The following COL5A2 variants were observed in gnomAD, a reference collection of about 807,000 sequenced individuals.
The protein encoded by COL5A2 is collagen alpha-2(V) chain.
Under a neutral mutation model 208.2 loss-of-function variants are expected in COL5A2, and 23 were observed. The ratio of observed to expected loss-of-function variants is 0.11; its 90% confidence interval spans 0.08 to 0.16. The LOEUF (loss-of-function observed/expected upper bound fraction) is 0.16. Among genes scored for constraint, COL5A2 ranks in the 10% least tolerant of loss-of-function variants. The probability of loss-of-function intolerance (pLI) is 1.00; values close to 1 mark genes in which losing one functional copy is unlikely to be tolerated. For missense variants in COL5A2, 1,590 were observed against 1,956.4 expected, an observed-to-expected ratio of 0.81 and a Z score of 3.53; for synonymous variants, 625 against 628.5, an observed-to-expected ratio of 0.99 and a Z score of 0.08.
Position 189,034,871 on chromosome 2 carries a change from AT to A in COL5A2, c.4353+44del, listed in dbSNP as rs757882953. ...TGTAATAGTATTTTTAACAAAAATA[AT>A]TTTTTTTCCTCAACCAGATCAATGT... On this transcript the variant is annotated intron_variant, in intron 53 of 53. Coordinates refer to ENST00000374866, the MANE Select transcript of COL5A2 (RefSeq NM_000393.5). 9.3e-6 allele frequency: 15 copies of A among 1,609,114 alleles called. No individual in the cohort carries two copies. The African/African-American group carries it at 9.4e-5, about 10-fold the overall frequency.
At chr2:189,117,571 G>A (rs1049196287) in intron 1 of COL5A2, among the ~76,000 whole-genome samples, 3 of 151,986 alleles carry the variant, frequency 2.0e-5, no homozygotes, top group Non-Finnish European at 4.4e-5. Context: ...TTTCAAAGGA[G>A]AAGTAAATAT....
At chr2:189,405,936 A>T in the COL5A2 span, among the ~76,000 whole-genome samples, 1 of 152,248 alleles carries the variant, frequency 6.6e-6, no homozygotes, top group Non-Finnish European at 1.5e-5. Flanking sequence ...CATCATTTAA[A>T]ATCCCCGTTT....
chr2:189,166,228 C>G (rs1043485594), intron 1 of COL5A2, among the ~76,000 whole-genome samples: 2 of 152,118 alleles, frequency 1.3e-5, no homozygotes, highest in Non-Finnish European at 2.9e-5. Context: ...GCTCTCCATA[C>G]CCTCTCTCCT....
chr2:189,259,350 G>A, the COL5A2 span, among the ~76,000 whole-genome samples: 1 of 152,054 alleles, frequency 6.6e-6, no homozygotes, highest in African/African-American at 2.4e-5. Flanking sequence ...AATTTTCCAA[G>A]GTTATTTTTA....
the COL5A2 span, among the ~76,000 whole-genome samples, chr2:189,425,190 C>T: frequency 1.3e-5 from 2 of 152,010 alleles, no homozygotes; most frequent in African/African-American, 4.8e-5. Flanking sequence ...ATCGAAAAGA[C>T]AAAAGATAAC....
At chr2:189,185,473 A>C (rs1688840035) in intron 1 of COL5A2, among the ~76,000 whole-genome samples, 2 of 152,262 alleles carry the variant, frequency 1.3e-5, no homozygotes, top group African/African-American at 4.8e-5. Context: ...AATAGAAAGA[A>C]GCAGAAAGAT....
chr2:189,439,530 T>A, the COL5A2 span, among the ~76,000 whole-genome samples: 1 of 152,236 alleles, frequency 6.6e-6, no homozygotes, highest in African/African-American at 2.4e-5. Flanking sequence ...AGGTCCCTGG[T>A]GGCATGAATG....
intron 1 of COL5A2, among the ~76,000 whole-genome samples, chr2:189,162,904 G>A (rs934232798): frequency 6.6e-6 from 1 of 151,974 alleles, no homozygotes; most frequent in African/African-American, 2.4e-5. Context: ...AGATAAAGGA[G>A]GGCAAGCAGC....
At chr2:189,410,149 G>A in the COL5A2 span, among the ~76,000 whole-genome samples, 2 of 152,042 alleles carry the variant, frequency 1.3e-5, no homozygotes, top group African/African-American at 4.8e-5. Flanking sequence ...AAATAACATA[G>A]AATTTATTTT....
chr2:189,045,636 A>G (rs1685650106), intron 46 of COL5A2, among the ~76,000 whole-genome samples, 164 bp downstream of exon 46: 1 of 152,224 alleles, frequency 6.6e-6, no homozygotes, highest in Non-Finnish European at 1.5e-5. Context: ...TTTGCCTTTC[A>G]GACTAAGAAA....
chr2:189,393,229 T>C, the COL5A2 span, among the ~76,000 whole-genome samples: 51 of 152,116 alleles, frequency 3.4e-4, no homozygotes, highest in Non-Finnish European at 5.7e-4. Flanking sequence ...GTGACTTCAT[T>C]CTGTATGTCT....
rs1192684805 is a variant in COL5A2, at chr2:189,085,223, G to A, written c.745-10C>T. ...GTGAACCAATCGGACCCTAATAACA[G>A]AACAAAACAAAAGGAAAAAAAGAAT... On this transcript the variant is annotated splice_polypyrimidine_tract_variant and intron_variant, in intron 10 of 53. Coordinates refer to ENST00000374866, the MANE Select transcript of COL5A2 (RefSeq NM_000393.5). The A allele has an allele frequency of 1.9e-6, 3 of 1,606,110 alleles. No homozygotes were observed. In the South Asian group the frequency reaches 3.3e-5, roughly 18 times the overall value.
chr2:189,427,682 C>G, the COL5A2 span, among the ~76,000 whole-genome samples: 1 of 152,192 alleles, frequency 6.6e-6, no homozygotes, highest in African/African-American at 2.4e-5. Context: ...GGGAGCCCAC[C>G]TTTTGTACCA....
intron 1 of COL5A2, among the ~76,000 whole-genome samples, chr2:189,111,909 AG>A (rs1212036437): frequency 6.7e-6 from 1 of 150,096 alleles, no homozygotes; most frequent in East Asian, 2.0e-4. Flanking sequence ...CTTGTCGCCC[AG>A]GCAGGAGTCC....
chr2:189,355,127 G>C, the COL5A2 span, among the ~76,000 whole-genome samples: 1 of 152,180 alleles, frequency 6.6e-6, no homozygotes, highest in Non-Finnish European at 1.5e-5. Context: ...TAATTTGATT[G>C]CACTGTGGTC....
At chr2:189,139,785 C>T (rs1687900795) in intron 1 of COL5A2, among the ~76,000 whole-genome samples, 1 of 151,922 alleles carries the variant, frequency 6.6e-6, no homozygotes, top group Non-Finnish European at 1.5e-5. Flanking sequence ...TAAAAGTGAC[C>T]AGATGTTGGC....
the COL5A2 span, among the ~76,000 whole-genome samples, chr2:189,332,944 A>G: frequency 3.3e-5 from 5 of 152,192 alleles, no homozygotes; most frequent in Admixed American, 3.3e-4. Context: ...TTTGGAAATT[A>G]AGCAACACTT....
At chr2:189,357,294 G>A in the COL5A2 span, among the ~76,000 whole-genome samples, 14 of 152,310 alleles carry the variant, frequency 9.2e-5, no homozygotes, top group Admixed American at 2.6e-4. Context: ...CTTCAGAGCC[G>A]TCAGGCAGGG....
chr2:189,422,424 T>A, the COL5A2 span, among the ~76,000 whole-genome samples: 3 of 151,964 alleles, frequency 2.0e-5, no homozygotes, highest in Non-Finnish European at 4.4e-5. Context: ...AACAGCAGAA[T>A]TGATCAAGCA....
Sources: gnomAD v4.1 joint callset for allele counts (sites outside exome capture counted in the v4.1 genomes callset) on GRCh38, gnomAD v4.1.1 for gene constraint, MANE v1.5 for transcripts, NCBI Gene and HGNC (gene_info 2026-07-23, HGNC 2026-07-21) for gene names.